PAX5: variants seen among roughly 807,000 people sequenced by gnomAD.
The protein encoded by PAX5 is paired box protein Pax-5.
PAX5 carries 9 observed loss-of-function variants against 43.7 expected under a neutral mutation model. That is an observed-to-expected ratio of 0.21 (90% CI 0.12 to 0.36). The LOEUF (loss-of-function observed/expected upper bound fraction) is 0.36, where lower values mean the gene tolerates loss of function less well. Ranked by LOEUF, PAX5 falls within the 10% of genes least tolerant of loss-of-function variation. PAX5 has a pLI of 1.00. For synonymous variants in PAX5, 228 were observed against 214.3 expected, an observed-to-expected ratio of 1.06 and a Z score of -0.56; for missense variants, 383 against 532.7, an observed-to-expected ratio of 0.72 and a Z score of 2.77.
intron 7 of PAX5, among the ~76,000 whole-genome samples, chr9:36,908,968 A>G (rs1829035067): frequency 6.6e-6 from 1 of 152,234 alleles, no homozygotes; most frequent in African/African-American, 2.4e-5. Flanking sequence ...TCTTGGGAAC[A>G]TTGTGCTAAC....
At chr9:36,926,286 T>C (rs953768458) in intron 6 of PAX5, among the ~76,000 whole-genome samples, 2 of 152,188 alleles carry the variant, frequency 1.3e-5, no homozygotes, top group African/African-American at 4.8e-5. Flanking sequence ...GTCCCAACAT[T>C]TTTATAAATG....
chr9:36,986,094 C>A (rs1171364243), intron 5 of PAX5, among the ~76,000 whole-genome samples: 1 of 151,996 alleles, frequency 6.6e-6, no homozygotes, highest in Non-Finnish European at 1.5e-5. Context: ...GTCCGGCGCC[C>A]TCGCCCCGGC....
In PAX5 at chr9:36,961,328, C is replaced by T. The variant is rs367977269; in HGVS notation, c.780+5221G>A. ...GTTAGACAAGGGGCAGATCTTCTCC[C>T]AGTTTAACCTCCTGTGACCTTTGAA... is the stretch of plus-strand genomic sequence containing the variant. On this transcript the variant is annotated intron_variant, in intron 6 of 9. Coordinates refer to ENST00000358127, the MANE Select transcript of PAX5 (RefSeq NM_016734.3). Among the ~76,000 whole-genome samples the T allele has an allele frequency of 3.9e-5, 6 of 152,234 alleles. No individual in the cohort carries two copies. The East Asian group carries it at 9.6e-4, about 24-fold the overall frequency.
At chr9:36,863,302 C>T (rs560948279) in intron 8 of PAX5, among the ~76,000 whole-genome samples, 63 of 152,262 alleles carry the variant, frequency 4.1e-4, no homozygotes, top group East Asian at 7.7e-4. Context: ...CTCACTCTGT[C>T]GCCCAGGCTG....
chr9:36,971,470 G>A (rs1007066795), intron 5 of PAX5, among the ~76,000 whole-genome samples: 1 of 152,172 alleles, frequency 6.6e-6, no homozygotes, highest in Non-Finnish European at 1.5e-5. Context: ...GACTTAATTG[G>A]AGAATGTGGT....
intron 6 of PAX5, among the ~76,000 whole-genome samples, chr9:36,961,475 A>C (rs12552580): frequency 0.17 from 25,395 of 152,196 alleles, 2,701 homozygotes; most frequent in African/African-American, 0.3. Context: ...CAGCAATGGG[A>C]TGGATAATTA....
At chr9:37,027,482 GC>G (rs1193925611) in intron 1 of PAX5, among the ~76,000 whole-genome samples, 3 of 152,234 alleles carry the variant, frequency 2.0e-5, no homozygotes, top group Admixed American at 1.3e-4. Flanking sequence ...TTCCGGGACG[GC>G]CGCCGTGCCT....
intron 5 of PAX5, among the ~76,000 whole-genome samples, chr9:36,981,454 A>AC (rs1222395300): frequency 4.6e-5 from 7 of 150,656 alleles, no homozygotes; most frequent in Non-Finnish European, 5.9e-5. Context: ...AAAACAAAAA[A>AC]CAGGTACAAA....
At chr9:36,985,536 A>C (rs1373675854) in intron 5 of PAX5, among the ~76,000 whole-genome samples, 1 of 152,144 alleles carries the variant, frequency 6.6e-6, no homozygotes, top group Non-Finnish European at 1.5e-5. Context: ...GACGAATGGG[A>C]GACGACTTCT....
chr9:37,003,105 G>A (rs1169312225), intron 4 of PAX5, among the ~76,000 whole-genome samples: 2 of 150,618 alleles, frequency 1.3e-5, no homozygotes, highest in Admixed American at 6.6e-5. Flanking sequence ...AGGAAGCAGG[G>A]GATGGAGAGG....
At chr9:36,887,402 A>G (rs1246091200) in intron 7 of PAX5, among the ~76,000 whole-genome samples, 1 of 152,206 alleles carries the variant, frequency 6.6e-6, no homozygotes, top group Non-Finnish European at 1.5e-5. Context: ...GCAAATATGG[A>G]CTTTTTATAA....
At position 37,015,783 on chromosome 9, in the gene PAX5, T is replaced by G. The variant is rs1839332598; in HGVS notation, c.213-589A>C. ...TAGTAGAGACGGGGGTTTCACCATG[T>G]TAGTCAGGCTGGTCTCGAACTCCCG... On this transcript the variant is annotated intron_variant, in intron 2 of 9. Transcript: ENST00000358127. This position sits in a 1 kb window ranked among gnomAD's most constrained non-coding sequence, Gnocchi z 4.4. 6.6e-6 allele frequency among the ~76,000 whole-genome samples: 1 copy of G among 152,158 alleles called. No homozygotes were observed. The highest frequency in any genetic ancestry group is 1.5e-5 in the Non-Finnish European group (1 of 68,032).
rs370354576 is a variant in PAX5 at position 36,840,392 on chromosome 9, C to T, written c.*168G>A. 1.0e-5 allele frequency: 7 copies of T among 700,720 alleles called. No homozygotes were observed. The highest frequency in any genetic ancestry group is 3.5e-5 in the African/African-American group (2 of 56,444). The allele number at this position is 700,720 out of a possible 1,614,324, so 43.4% of individuals were successfully genotyped here. On this transcript the variant is annotated 3_prime_UTR_variant, in exon 10 of 10. Coordinates refer to ENST00000358127, the MANE Select transcript of PAX5 (RefSeq NM_016734.3). ...AGCATCCAGAAGTCCAACGGCCCCA[C>T]CAAAGGGCCCCAGAGTCCCTGGAGG...
intron 1 of PAX5, 44 bp downstream of exon 1, chr9:37,033,942 G>C (rs768002731): frequency 1.9e-6 from 3 of 1,598,968 alleles, no homozygotes; most frequent in Non-Finnish European, 1.7e-6. Flanking sequence ...AGGCCTGGCC[G>C]TGTCCCGGAG....
chr9:37,011,744 C>T (rs1838945917), intron 3 of PAX5, among the ~76,000 whole-genome samples: 1 of 152,142 alleles, frequency 6.6e-6, no homozygotes, highest in Admixed American at 6.5e-5. Flanking sequence ...AACAGGAAGT[C>T]ACATACTCCT....
intron 5 of PAX5, among the ~76,000 whole-genome samples, chr9:36,975,114 G>A (rs1835309592): frequency 6.6e-6 from 1 of 152,214 alleles, no homozygotes; most frequent in African/African-American, 2.4e-5. Context: ...ACTATGGCCT[G>A]GATTCTACTC....
At chr9:36,955,005 T>C (rs1833327758) in intron 6 of PAX5, among the ~76,000 whole-genome samples, 1 of 152,062 alleles carries the variant, frequency 6.6e-6, no homozygotes, top group South Asian at 2.1e-4. Context: ...TGGTATTTAA[T>C]CCATCAGTTG....
At chr9:36,912,516 T>A (rs1323807072) in intron 7 of PAX5, among the ~76,000 whole-genome samples, 2 of 152,204 alleles carry the variant, frequency 1.3e-5, no homozygotes, top group East Asian at 3.8e-4. Context: ...TGAACTGGGA[T>A]TTTTTTAGTC....
At chr9:37,024,374 T>C (rs1347790574) in intron 1 of PAX5, among the ~76,000 whole-genome samples, 1 of 150,438 alleles carries the variant, frequency 6.6e-6, no homozygotes, top group South Asian at 2.1e-4. Flanking sequence ...GAAGCAGTGG[T>C]AGGGGGACGG....
Sources: gnomAD v4.1 joint callset for allele counts (sites outside exome capture counted in the v4.1 genomes callset) on GRCh38, gnomAD v4.1.1 for gene constraint, Gnocchi (gnomAD v3.1) non-coding constraint, MANE v1.5 for transcripts, NCBI Gene and HGNC (gene_info 2026-07-23, HGNC 2026-07-21) for gene names.